PCDHGA4: variants seen among roughly 807,000 people sequenced by gnomAD.
The protein encoded by PCDHGA4 is protocadherin gamma subfamily A, 4.
In PCDHGA4, 38 loss-of-function variants were observed where a neutral mutation model predicts 54.6. That is an observed-to-expected ratio of 0.70 (90% CI 0.54 to 0.91). The LOEUF is 0.91. Ranked by LOEUF, PCDHGA4 falls within the 40% of genes least tolerant of loss-of-function variation. The probability of loss-of-function intolerance (pLI) is 0.00; values close to 1 mark genes in which losing one functional copy is unlikely to be tolerated. For missense variants in PCDHGA4, 1,298 were observed against 1,220.9 expected, an observed-to-expected ratio of 1.06 and a Z score of -0.94; for synonymous variants, 511 against 512.9, an observed-to-expected ratio of 1.00 and a Z score of 0.05.
intron 1 of PCDHGA4, chr5:141,414,258 TG>T: frequency 6.2e-7 from 1 of 1,613,492 alleles, no homozygotes; most frequent in Non-Finnish European, 8.5e-7. Flanking sequence ...GTCCAGTGAC[TG>T]AAGATTCACC....
In PCDHGA4 at chr5:141,355,369, C is replaced by G; in HGVS notation, c.262C>G (p.Arg88Gly). The G allele has an allele frequency of 6.2e-7, 1 of 1,614,040 alleles. No individual in the cohort carries two copies. The highest frequency in any genetic ancestry group is 1.3e-5 in the African/African-American group (1 of 75,064). Residue 88 changes from arginine to glycine, a missense_variant, in exon 1 of 4, where the codon CGG (arginine) becomes GGG (glycine). Arg to Gly is a moderately radical substitution (Grantham distance 125). Transcript: ENST00000571252. ...CGCCAAGGACCTGGGGTTGGCGCCC[C>G]GGGAGCTGGCGGAGCGCGGAGTCCG... ...NIAKDLGLAP[R>G]ELAERGVRIV...
chr5:141,422,472 G>T, intron 1 of PCDHGA4: 2 of 1,613,680 alleles, frequency 1.2e-6, no homozygotes, highest in Non-Finnish European at 1.7e-6. Flanking sequence ...ACAGGGAGTT[G>T]GTCCAGAGCT....
rs759041753 is a variant in PCDHGA4 at position 141,388,806 on chromosome 5, G to A, written c.2514+31185G>A. 32 of 1,613,842 alleles carry A rather than the reference G, an allele frequency of 2.0e-5. No individual in the cohort carries two copies. Among genetic ancestry groups the A allele is most frequent in the Non-Finnish European group, 2.5e-5 (29 of 1,179,864 alleles). On this transcript the variant is annotated intron_variant, in intron 1 of 3. Coordinates refer to ENST00000571252, the MANE Select transcript of PCDHGA4 (RefSeq NM_018917.4). Reference sequence around the variant, plus strand: ...TACTGTTTTAAATACATTAGATTTTGAAGAAGTCAAAGAATATTCCATAGT... The same window carrying A: ...TACTGTTTTAAATACATTAGATTTTAAAGAAGTCAAAGAATATTCCATAGT...
intron 1 of PCDHGA4, chr5:141,399,493 A>G (rs2093820399): frequency 1.2e-6 from 2 of 1,614,036 alleles, no homozygotes; most frequent in African/African-American, 2.7e-5. Context: ...CTACTTAGTC[A>G]GTGTACCCGA....
intron 1 of PCDHGA4, chr5:141,374,451 T>C: frequency 6.2e-7 from 1 of 1,613,730 alleles, no homozygotes; most frequent in Non-Finnish European, 8.5e-7. Flanking sequence ...GAAGTGGAAA[T>C]AGTGGACATT....
chr5:141,499,689 CTTTTTTTT>C (rs545067566), intron 2 of PCDHGA4, among the ~76,000 whole-genome samples: 2 of 119,856 alleles, frequency 1.7e-5, no homozygotes, highest in Non-Finnish European at 3.5e-5. Flanking sequence ...TAACAGATGA[CTTTTTTTT>C]TTTTTTTTTT....
chr5:141,376,304 G>T, intron 1 of PCDHGA4: 1 of 1,614,218 alleles, frequency 6.2e-7, no homozygotes, highest in Non-Finnish European at 8.5e-7. Context: ...CTCGCACTTT[G>T]TGGGCGTGGA....
rs767425379 is a variant in PCDHGA4, at chr5:141,403,635, T to C, written c.2514+46014T>C. 1.1e-5 allele frequency: 18 copies of C among 1,613,902 alleles called. No individual in the cohort carries two copies. The South Asian group carries it at 1.8e-4, about 16-fold the overall frequency. On this transcript the variant is annotated intron_variant, in intron 1 of 3. Transcript: ENST00000571252. ...CCGCGTCGCTCCAGCACAGTGCGCA[T>C]CCATGTGACAGTGTTGGATACAAAT... is the stretch of plus-strand genomic sequence containing the variant.
intron 1 of PCDHGA4, among the ~76,000 whole-genome samples, chr5:141,456,101 G>A (rs1231843666): frequency 6.6e-6 from 1 of 151,970 alleles, no homozygotes; most frequent in African/African-American, 2.4e-5. Context: ...ATTTCACCGT[G>A]TTAGCCAGGA....
chr5:141,360,156 G>T (rs1761446039), intron 1 of PCDHGA4: 1 of 1,604,878 alleles, frequency 6.2e-7, no homozygotes, highest in Non-Finnish European at 8.5e-7. Context: ...GCTCAGGGAG[G>T]TGCGGGCTGG....
Position 141,431,994 on chromosome 5 carries a change from G to A in PCDHGA4, c.2515-62813G>A, listed in dbSNP as rs2097434865. ...TTAGTCACAGACATAGTCTTGGATA[G>A]GGAACAGGTTCCTAGCTACAACATC... On this transcript the variant is annotated intron_variant, in intron 1 of 3. Coordinates refer to ENST00000571252, the MANE Select transcript of PCDHGA4 (RefSeq NM_018917.4). The surrounding 1 kb of genome is among the most constrained non-coding windows in gnomAD (Gnocchi z 4.8). 6.2e-7 allele frequency: 1 copy of A among 1,614,188 alleles called. No homozygotes were observed. Among genetic ancestry groups the A allele is most frequent in the Non-Finnish European group, 8.5e-7 (1 of 1,180,038 alleles).
At chr5:141,372,866 T>A in intron 1 of PCDHGA4, 1 of 1,393,006 alleles carries the variant, frequency 7.2e-7, no homozygotes, top group Non-Finnish European at 9.6e-7. Context: ...ATTCATTGAT[T>A]TAGAGATAAA....
rs746046310 is a variant in PCDHGA4, at chr5:141,410,427, A to C, written c.2514+52806A>C. The C allele has an allele frequency of 1.9e-6, 3 of 1,613,714 alleles. No homozygotes were observed. The Admixed American group carries it at 5.0e-5, about 27-fold the overall frequency. On this transcript the variant is annotated intron_variant, in intron 1 of 3. Coordinates refer to ENST00000571252, the MANE Select transcript of PCDHGA4 (RefSeq NM_018917.4). ...AAGTCTGGACCTGTAGTTCCCCCCA[A>C]CTACAGTGAGGGGACTTTGCCTTAT...
intron 1 of PCDHGA4, chr5:141,409,356 A>G: frequency 6.2e-7 from 1 of 1,614,004 alleles, no homozygotes; most frequent in Non-Finnish European, 8.5e-7. Context: ...GTCAGGTGTA[A>G]TATAGAAACA....
chr5:141,375,257 T>C, intron 1 of PCDHGA4: 1 of 1,613,890 alleles, frequency 6.2e-7, no homozygotes, highest in Middle Eastern at 1.6e-4. Flanking sequence ...AAGTCTCCCA[T>C]TTGAATTGGA....
chr5:141,385,991 T>C (rs1044328038), intron 1 of PCDHGA4: 1 of 152,222 alleles, frequency 6.6e-6, no homozygotes, highest in East Asian at 1.9e-4. Context: ...ATATGTCAAA[T>C]AAAATGTCAT....
rs1562187768 is a variant in PCDHGA4, at chr5:141,499,029, A to AAGG, written c.2573+4165_2573+4166insGGA. 5.0e-3 allele frequency among the ~76,000 whole-genome samples: 706 copies of AAGG among 140,066 alleles called. 6 individuals carry two copies. Among genetic ancestry groups the AAGG allele is most frequent in the African/African-American group, 0.019 (683 of 36,064 alleles). The allele number at this position is 140,066 out of a possible 152,430, so 91.9% of individuals were successfully genotyped here. A position where few individuals can be genotyped will look rare whatever the true frequency, so the allele number is the denominator to read the frequency against. ...GGAAGGAAGGAAGGAAGGAAGGAAG[A>AAGG]AAAGAAAGAAAAAGGGAGAAAAAAT... On this transcript the variant is annotated intron_variant, in intron 2 of 3. Transcript: ENST00000571252.
intron 1 of PCDHGA4, chr5:141,378,812 C>A (rs1775174310): frequency 6.6e-6 from 1 of 152,148 alleles, no homozygotes; most frequent in Admixed American, 6.5e-5. Flanking sequence ...CAAACAGAAT[C>A]ATTGTTTCAT....
chr5:141,479,050 C>G (rs1484021560), intron 1 of PCDHGA4, among the ~76,000 whole-genome samples: 1 of 152,164 alleles, frequency 6.6e-6, no homozygotes, highest in South Asian at 2.1e-4. Context: ...ACCTCATTCT[C>G]AGATAATTTT....
Sources: gnomAD v4.1 joint callset for allele counts (sites outside exome capture counted in the v4.1 genomes callset) on GRCh38, gnomAD v4.1.1 for gene constraint, Gnocchi (gnomAD v3.1) non-coding constraint, MANE v1.5 for transcripts, NCBI Gene and HGNC (gene_info 2026-07-23, HGNC 2026-07-21) for gene names.